Variants in FAM110B observed in about 807,000 individuals in gnomAD.
The protein encoded by FAM110B is family with sequence similarity 110 member B.
A neutral mutation model predicts 20.4 loss-of-function variants in FAM110B; 6 were observed. That is an observed-to-expected ratio of 0.29 (90% CI 0.16 to 0.58). FAM110B has a LOEUF of 0.58. Ranked by LOEUF, FAM110B falls within the 20% of genes least tolerant of loss-of-function variation. The pLI is 0.90. For missense variants in FAM110B, 434 were observed against 498.2 expected (o/e 0.87, Z 1.23); for synonymous variants, 226 against 214.1 (o/e 1.06, Z -0.49).
intron 3 of FAM110B, among the ~76,000 whole-genome samples, chr8:58,112,490 C>T (rs1807083854): frequency 6.6e-6 from 1 of 152,224 alleles, no homozygotes; most frequent in African/African-American, 2.4e-5. Context: ...TTACCTTGAG[C>T]ATATGTTTGT....
At chr8:58,041,618 T>G (rs1037824569) in intron 2 of FAM110B, among the ~76,000 whole-genome samples, 4 of 152,186 alleles carry the variant, frequency 2.6e-5, no homozygotes, top group African/African-American at 9.7e-5. Flanking sequence ...TGTTGCCAGG[T>G]AGGGAAGGTA....
chr8:58,046,914 G>A (rs1323307505), intron 2 of FAM110B, among the ~76,000 whole-genome samples: 1 of 152,174 alleles, frequency 6.6e-6, no homozygotes, highest in Non-Finnish European at 1.5e-5. Context: ...GAGAGAATTT[G>A]TACTATAGGA....
At chr8:58,068,202 A>G (rs895846216) in intron 2 of FAM110B, among the ~76,000 whole-genome samples, 1 of 152,204 alleles carries the variant, frequency 6.6e-6, no homozygotes, top group Non-Finnish European at 1.5e-5. Context: ...TCTGAAGCCA[A>G]TTCCTCTTGG....
At chr8:58,047,500 A>G (rs576148321) in intron 2 of FAM110B, among the ~76,000 whole-genome samples, 4 of 151,730 alleles carry the variant, frequency 2.6e-5, no homozygotes, top group East Asian at 1.9e-4. Context: ...CATCACCTCA[A>G]TGGCATCCCT....
chr8:58,055,497 G>C (rs1457750643), intron 2 of FAM110B, among the ~76,000 whole-genome samples: 1 of 152,132 alleles, frequency 6.6e-6, no homozygotes, highest in African/African-American at 2.4e-5. Context: ...CCTTAAACCT[G>C]TGGAGACAAA....
intron 3 of FAM110B, among the ~76,000 whole-genome samples, chr8:58,095,097 C>T (rs1010842189): frequency 1.8e-4 from 27 of 152,002 alleles, no homozygotes; most frequent in Non-Finnish European, 3.4e-4. Flanking sequence ...GTGGTGATAT[C>T]CCCTTTATCA....
rs574423514 is a variant in FAM110B at position 58,052,216 on chromosome 8, C to T, written c.-414+20513C>T. Among the ~76,000 whole-genome samples, 4 of 152,272 alleles carry T rather than the reference C, an allele frequency of 2.6e-5. No homozygotes were observed. The South Asian group carries it at 6.2e-4, about 24-fold the overall frequency. On this transcript the variant is annotated intron_variant, in intron 2 of 3. Transcript: ENST00000519262. Reference sequence around the variant, plus strand: ...CACCACATAGTTGGCTGAAATCTTCCATGTTTGCAGTGGAACTTGAAATGA... The same window carrying T: ...CACCACATAGTTGGCTGAAATCTTCTATGTTTGCAGTGGAACTTGAAATGA...
At chr8:58,030,088 T>C (rs1474768961) in intron 1 of FAM110B, among the ~76,000 whole-genome samples, 1 of 152,208 alleles carries the variant, frequency 6.6e-6, no homozygotes, top group Non-Finnish European at 1.5e-5. Flanking sequence ...CTTTGTTATA[T>C]GGGTCACAAT....
At chr8:58,118,866 C>T (rs893011494) in intron 3 of FAM110B, among the ~76,000 whole-genome samples, 2 of 152,166 alleles carry the variant, frequency 1.3e-5, no homozygotes, top group Non-Finnish European at 1.5e-5. Flanking sequence ...GTTTAAAAAG[C>T]CACTCAACCA....
chr8:58,032,716 G>A (rs2150573427), intron 2 of FAM110B: 1 of 152,290 alleles, frequency 6.6e-6, no homozygotes, highest in Admixed American at 6.5e-5. Flanking sequence ...GTAGTCCAGA[G>A]CGCTCACCTC....
chr8:58,057,820 G>A (rs1203816934), intron 2 of FAM110B, among the ~76,000 whole-genome samples: 1 of 152,214 alleles, frequency 6.6e-6, no homozygotes, highest in Admixed American at 6.5e-5. Context: ...ATGCCTTTTG[G>A]CATGGGACCA....
rs138618422 is a variant in FAM110B at position 58,136,159 on chromosome 8, G to A, written c.-324-9748G>A. On this transcript the variant is annotated intron_variant, in intron 3 of 3. Transcript: ENST00000519262. The stretch of plus-strand genomic sequence containing the variant: ...CCTGAGTAGCTGGGATTACAGGCAC[G>A]TGCCACCACGCCCAGCTAATTTTTG... 1.1e-3 allele frequency among the ~76,000 whole-genome samples: 166 copies of A among 151,996 alleles called. No individual in the cohort carries two copies. In the East Asian group the frequency reaches 0.014, roughly 13 times the overall value.
At chr8:58,098,775 G>A (rs1806700236) in intron 3 of FAM110B, 1 of 152,290 alleles carries the variant, frequency 6.6e-6, no homozygotes, top group African/African-American at 2.4e-5. Flanking sequence ...CCCTTGGCTA[G>A]GGGAGGGAGT....
intron 1 of FAM110B, among the ~76,000 whole-genome samples, chr8:58,015,036 C>G (rs1804609647): frequency 6.6e-6 from 1 of 152,144 alleles, no homozygotes; most frequent in Admixed American, 6.5e-5. Flanking sequence ...TCTTTATGCT[C>G]AGACAGCTTG....
intron 1 of FAM110B, among the ~76,000 whole-genome samples, chr8:58,018,327 T>C (rs1804678469): frequency 6.6e-6 from 1 of 152,194 alleles, no homozygotes; most frequent in Non-Finnish European, 1.5e-5. Context: ...AATTGACTCT[T>C]TGATCATTAT....
At chr8:58,124,890 C>T (rs1210240529) in intron 3 of FAM110B, among the ~76,000 whole-genome samples, 1 of 152,086 alleles carries the variant, frequency 6.6e-6, no homozygotes, top group South Asian at 2.1e-4. Context: ...ATTCTTTTTA[C>T]GTTTGGTAGA....
At position 58,147,346 on chromosome 8, in the gene FAM110B, C is replaced by T. The variant is rs1299841234; in HGVS notation, c.*3C>T. On this transcript the variant is annotated 3_prime_UTR_variant, in exon 4 of 4. Coordinates refer to ENST00000519262, the MANE Select transcript of FAM110B (RefSeq NM_001377989.1). ...CACAGAAGGTCTCCCATGTGTAAGA[C>T]AGTGCGTGGAAAGGAGGGAGCGTGG... 6.2e-7 allele frequency: 1 copy of T among 1,610,334 alleles called. No homozygotes were observed. The highest frequency in any genetic ancestry group is 8.5e-7 in the Non-Finnish European group (1 of 1,177,732).
intron 2 of FAM110B, among the ~76,000 whole-genome samples, chr8:58,038,475 A>T (rs1198391291): frequency 1.3e-5 from 2 of 152,224 alleles, no homozygotes; most frequent in Non-Finnish European, 1.5e-5. Flanking sequence ...TGTAATTAAA[A>T]TATCTATGAA....
Position 57,994,747 on chromosome 8 carries a change from C to G in FAM110B, c.-571C>G, listed in dbSNP as rs999945993. The stretch of plus-strand genomic sequence containing the variant: ...GGCCCCGACTCTCCCTCCTTGCAGT[C>G]CCCCGGAGCCTGGCTCCCGGCTCGG... On this transcript the variant is annotated 5_prime_UTR_variant, in exon 1 of 4. Coordinates refer to ENST00000519262, the MANE Select transcript of FAM110B (RefSeq NM_001377989.1). The G allele has an allele frequency of 6.6e-6, 1 of 152,252 alleles. No homozygotes were observed. The highest frequency in any genetic ancestry group is 2.4e-5 in the African/African-American group (1 of 41,416). The allele number at this position is 152,252 out of a possible 1,614,324, so 9.4% of individuals were successfully genotyped here.
Sources: gnomAD v4.1 joint callset for allele counts (sites outside exome capture counted in the v4.1 genomes callset) on GRCh38, gnomAD v4.1.1 for gene constraint, MANE v1.5 for transcripts, NCBI Gene and HGNC (gene_info 2026-07-23, HGNC 2026-07-21) for gene names.